Variants in ARHGEF10L observed in about 807,000 individuals in gnomAD.
ARHGEF10L encodes rho guanine nucleotide exchange factor 10-like protein.
In ARHGEF10L, 69 loss-of-function variants were observed where a neutral mutation model predicts 141.2. The observed-to-expected ratio is 0.49, with a 90% CI of 0.40 to 0.60. The LOEUF is 0.60. ARHGEF10L is among the 20% of genes least tolerant of loss of function. The pLI is 0.00. For missense variants in ARHGEF10L, 1,482 were observed against 1,734.3 expected, an observed-to-expected ratio of 0.85 and a Z score of 2.58; for synonymous variants, 711 against 718.5, an observed-to-expected ratio of 0.99 and a Z score of 0.17.
chr1:17,624,302 C>A, intron 12 of ARHGEF10L, 85 bp from the exon 13 acceptor site: 1 of 1,046,246 alleles, frequency 9.6e-7, no homozygotes, highest in Non-Finnish European at 1.5e-6. Flanking sequence ...TGCCTTGAGG[C>A]GGCCTCCCTG....
chr1:17,671,356 G>A lies in ARHGEF10L; in HGVS notation c.3009+6761G>A, dbSNP rs145170787. Among the ~76,000 whole-genome samples, 7 of 152,198 alleles carry A rather than the reference G, an allele frequency of 4.6e-5. No homozygotes were observed. In the South Asian group the frequency reaches 6.2e-4, roughly 13 times the overall value. On this transcript the variant is annotated intron_variant, in intron 26 of 28. Transcript: ENST00000361221. ...CCCAAGAGAAGGGAGGGAGGAATTCGCAGAAGGGGCTTGTCCAGAGGGTCT... is the reference window on the plus strand; with the variant it reads ...CCCAAGAGAAGGGAGGGAGGAATTCACAGAAGGGGCTTGTCCAGAGGGTCT...
At chr1:17,570,382 G>A (rs965696417) in intron 1 of ARHGEF10L, among the ~76,000 whole-genome samples, 8 of 152,212 alleles carry the variant, frequency 5.3e-5, no homozygotes, top group African/African-American at 1.9e-4. Flanking sequence ...GAAGGTGAGG[G>A]CAGCAGTGTG....
chr1:17,666,623 C>T (rs1223355295), intron 26 of ARHGEF10L, among the ~76,000 whole-genome samples: 1 of 152,104 alleles, frequency 6.6e-6, no homozygotes, highest in African/African-American at 2.4e-5. Context: ...CCTTAGCACT[C>T]CCGGTTCCTC....
chr1:17,537,094 A>G (rs1557679414), upstream of ARHGEF10L, among the ~76,000 whole-genome samples: 1 of 151,816 alleles, frequency 6.6e-6, no homozygotes, highest in African/African-American at 2.4e-5. Context: ...GGGTCTCCCT[A>G]TGTTGCCCAG....
chr1:17,529,824 C>CTTTTTTTT, the ARHGEF10L span, among the ~76,000 whole-genome samples: 1 of 67,158 alleles, frequency 1.5e-5, no homozygotes, highest in Non-Finnish European at 2.7e-5. Context: ...ACACATCAGT[C>CTTTTTTTT]TTTTTTTTTT....
intron 10 of ARHGEF10L, among the ~76,000 whole-genome samples, chr1:17,620,854 G>A (rs866570470): frequency 6.6e-5 from 10 of 152,200 alleles, no homozygotes; most frequent in African/African-American, 2.4e-4. Context: ...AGCCACCTGG[G>A]AAGATTTCAA....
intron 26 of ARHGEF10L, among the ~76,000 whole-genome samples, chr1:17,666,888 A>C (rs1571390576): frequency 9.1e-6 from 1 of 109,530 alleles, no homozygotes; most frequent in Non-Finnish European, 1.8e-5. Flanking sequence ...TCTTTCCTCC[A>C]AGGGCCTTGC....
At chr1:17,585,217 C>T (rs554238758) in intron 2 of ARHGEF10L, among the ~76,000 whole-genome samples, 33 of 152,274 alleles carry the variant, frequency 2.2e-4, no homozygotes, top group Non-Finnish European at 4.1e-4. Flanking sequence ...CACCCAAGCC[C>T]TTTCTGTCAG....
chr1:17,602,370 C>A, intron 5 of ARHGEF10L, 152 bp downstream of exon 5: 2 of 808,974 alleles, frequency 2.5e-6, no homozygotes, highest in South Asian at 1.7e-5. Context: ...CAACCACCGC[C>A]CCCAAGAGCC....
intron 28 of ARHGEF10L, among the ~76,000 whole-genome samples, chr1:17,696,336 G>A (rs2065497716): frequency 6.6e-6 from 1 of 152,180 alleles, no homozygotes; most frequent in South Asian, 2.1e-4. Context: ...AGAATCCTGG[G>A]ATGCAGGGAT....
intron 2 of ARHGEF10L, among the ~76,000 whole-genome samples, chr1:17,585,808 ACCCATCACTCAT>A (rs376810544): frequency 1.5e-3 from 225 of 152,074 alleles, no homozygotes; most frequent in African/African-American, 5.3e-3. Context: ...CCACCTCCTC[ACCCATCACTCAT>A]CCATCCATCT....
At chr1:17,657,158 G>C (rs2062317878) in intron 25 of ARHGEF10L, among the ~76,000 whole-genome samples, 1 of 152,224 alleles carries the variant, frequency 6.6e-6, no homozygotes, top group Non-Finnish European at 1.5e-5. Flanking sequence ...CAAGGGCTCA[G>C]TGGAGTCAAG....
chr1:17,585,428 G>C (rs2078945481), intron 2 of ARHGEF10L, among the ~76,000 whole-genome samples: 1 of 152,176 alleles, frequency 6.6e-6, no homozygotes, highest in Non-Finnish European at 1.5e-5. Context: ...CTCAGGACTT[G>C]CTTCATGACA....
rs1422727880 is a variant in ARHGEF10L at position 17,623,169 on chromosome 1, G to A, written c.1194G>A (p.Val398=). The A allele has an allele frequency of 1.9e-6, 3 of 1,612,202 alleles. No individual in the cohort carries two copies. The highest frequency in any genetic ancestry group is 2.7e-5 in the African/African-American group (2 of 74,706). The change falls in exon 12 of 29, where the codon GTG becomes GTA. Residue 398 remains valine (V), a synonymous_variant. Transcript: ENST00000361221. The surrounding 1 kb of genome is among the most constrained non-coding windows in gnomAD (Gnocchi z 4.7). ...DSTEKIGDLF[V]ASFSKSMVLD... ...CCGAGAAGATCGGGGACCTCTTCGT[G>A]GCCTCGGTAAGTGTCCCCAAACTTT...
Position 17,607,786 on chromosome 1 carries a change from GC to G in ARHGEF10L, c.434-14del. The G allele has an allele frequency of 6.5e-7, 1 of 1,547,054 alleles. No individual in the cohort carries two copies. The highest frequency in any genetic ancestry group is 8.7e-7 in the Non-Finnish European group (1 of 1,150,900). On this transcript the variant is annotated splice_polypyrimidine_tract_variant and intron_variant, in intron 6 of 28. Transcript: ENST00000361221. The surrounding 1 kb of genome is among the most constrained non-coding windows in gnomAD (Gnocchi z 4.5). ...GCCTCAGGGCCTGGGCTCACCGGCTGCCGCTTGGCCAGCAGGGGCAGAGAGG... is the reference window on the plus strand; with the variant it reads ...GCCTCAGGGCCTGGGCTCACCGGCTGCGCTTGGCCAGCAGGGGCAGAGAGG...
intron 27 of ARHGEF10L, among the ~76,000 whole-genome samples, chr1:17,690,712 G>A (rs1167219482): frequency 6.6e-6 from 1 of 152,252 alleles, no homozygotes; most frequent in Non-Finnish European, 1.5e-5. Flanking sequence ...GTGGAGCCTG[G>A]GGCCCTGCCA....
chr1:17,676,453 T>TG (rs1443024479), intron 26 of ARHGEF10L, among the ~76,000 whole-genome samples: 3 of 149,860 alleles, frequency 2.0e-5, no homozygotes, highest in African/African-American at 7.3e-5. Context: ...GGTGCAGGTG[T>TG]GGGGTGGTGG....
At chr1:17,648,242 A>C (rs1016113290) in intron 21 of ARHGEF10L, among the ~76,000 whole-genome samples, 2 of 152,234 alleles carry the variant, frequency 1.3e-5, no homozygotes, top group African/African-American at 4.8e-5. Flanking sequence ...GGACGAAGGC[A>C]TTTCTAGCAT....
chr1:17,529,295 A>G, the ARHGEF10L span, among the ~76,000 whole-genome samples: 9 of 152,186 alleles, frequency 5.9e-5, no homozygotes, highest in African/African-American at 2.2e-4. Flanking sequence ...GAGTCACCAC[A>G]TCCGGCCAAT....
Sources: allele counts gnomAD v4.1 joint callset (sites outside exome capture counted in the v4.1 genomes callset), GRCh38; gene constraint gnomAD v4.1.1; non-coding constraint Gnocchi (gnomAD v3.1); transcripts MANE v1.5; gene names NCBI Gene and HGNC (gene_info 2026-07-23, HGNC 2026-07-21).